Variants in CCDC171 observed in about 807,000 individuals in gnomAD.
CCDC171 encodes the protein coiled-coil domain-containing protein 171.
CCDC171 carries 177 observed loss-of-function variants against 168.2 expected under a neutral mutation model. That is an observed-to-expected ratio of 1.05 (90% CI 0.93 to 1.19). The LOEUF is 1.19. CCDC171 is among the 50% of genes most tolerant of loss of function. The probability of loss-of-function intolerance (pLI) is 0.00; values close to 1 mark genes in which losing one functional copy is unlikely to be tolerated. For missense variants in CCDC171, 1,991 were observed against 1,539.0 expected (o/e 1.29, Z -4.91); for synonymous variants, 687 against 540.8 (o/e 1.27, Z -3.75).
intron 11 of CCDC171, among the ~76,000 whole-genome samples, chr9:15,704,448 G>T (rs1056312660): frequency 3.3e-5 from 5 of 152,108 alleles, no homozygotes; most frequent in African/African-American, 4.8e-5. Flanking sequence ...GAAGGCAGTG[G>T]CGCTTTACCT....
intron 24 of CCDC171, chr9:15,886,133 G>T (rs1819366282): frequency 6.6e-6 from 1 of 152,072 alleles, no homozygotes; most frequent in Non-Finnish European, 1.5e-5. Context: ...ACTCAAAATG[G>T]AGTACACAAT....
At position 15,642,594 on chromosome 9, in the gene CCDC171, T is replaced by C. The variant is rs377626948; in HGVS notation, c.823-14533T>C. Reference sequence around the variant, plus strand: ...TGGACTAGAAGATTTAAAAAAATTATTAAGAAGGCTTAAATTTCATTATGT... The same window carrying C: ...TGGACTAGAAGATTTAAAAAAATTACTAAGAAGGCTTAAATTTCATTATGT... On this transcript the variant is annotated intron_variant, in intron 7 of 25. Coordinates refer to ENST00000380701, the MANE Select transcript of CCDC171 (RefSeq NM_173550.4). Among the ~76,000 whole-genome samples the C allele has an allele frequency of 5.3e-5, 8 of 151,986 alleles. No homozygotes were observed. In the East Asian group the frequency reaches 1.5e-3, roughly 29 times the overall value.
chr9:15,613,406 C>G (rs995154925), intron 6 of CCDC171, among the ~76,000 whole-genome samples: 6 of 152,052 alleles, frequency 3.9e-5, no homozygotes, highest in African/African-American at 1.4e-4. Flanking sequence ...AATCACTAAA[C>G]TTCTAAATAA....
At chr9:15,791,923 C>T (rs1360389736) in intron 21 of CCDC171, among the ~76,000 whole-genome samples, 1 of 152,132 alleles carries the variant, frequency 6.6e-6, no homozygotes, top group Non-Finnish European at 1.5e-5. Context: ...GCACCTCTCC[C>T]CCTCCAGAGG....
chr9:15,726,545 T>C (rs2053814251), intron 14 of CCDC171, among the ~76,000 whole-genome samples: 1 of 152,202 alleles, frequency 6.6e-6, no homozygotes, highest in Non-Finnish European at 1.5e-5. Context: ...TGAAAAGGTA[T>C]AGCATATTTG....
chr9:16,011,286 A>C (rs1832861398), intron 3 of CCDC171, among the ~76,000 whole-genome samples: 1 of 152,174 alleles, frequency 6.6e-6, no homozygotes, highest in Non-Finnish European at 1.5e-5. Context: ...TGTTCCTGAG[A>C]GAATCACCTA....
At position 15,641,340 on chromosome 9, in the gene CCDC171, A is replaced by C. The variant is rs187187225; in HGVS notation, c.823-15787A>C. On this transcript the variant is annotated intron_variant, in intron 7 of 25. Coordinates refer to ENST00000380701, the MANE Select transcript of CCDC171 (RefSeq NM_173550.4). ...TTTGGTGGACTAAATTTCATATCTCAGTTTTTCTTCTTGACTAATTGTTTT... is the reference window on the plus strand; with the variant it reads ...TTTGGTGGACTAAATTTCATATCTCCGTTTTTCTTCTTGACTAATTGTTTT... Among the ~76,000 whole-genome samples the C allele has an allele frequency of 1.0e-3, 156 of 152,258 alleles. 1 individual carries two copies. The highest frequency in any genetic ancestry group is 3.6e-3 in the African/African-American group (149 of 41,552).
At chr9:15,679,391 C>T (rs1473206346) in intron 10 of CCDC171, among the ~76,000 whole-genome samples, 1 of 152,098 alleles carries the variant, frequency 6.6e-6, no homozygotes, top group Non-Finnish European at 1.5e-5. Flanking sequence ...ATCTCGATGT[C>T]TCCCTGTTGT....
chr9:15,953,938 C>T (rs567465911), intron 25 of CCDC171, among the ~76,000 whole-genome samples: 3 of 151,902 alleles, frequency 2.0e-5, no homozygotes, highest in Admixed American at 6.6e-5. Context: ...TCTGTTTCAT[C>T]GAGGGCATTC....
At chr9:15,926,732 C>G (rs958765388) in intron 25 of CCDC171, among the ~76,000 whole-genome samples, 1 of 151,622 alleles carries the variant, frequency 6.6e-6, no homozygotes, top group Non-Finnish European at 1.5e-5. Flanking sequence ...GACACAGTGT[C>G]TGGCATATTA....
intron 25 of CCDC171, among the ~76,000 whole-genome samples, chr9:15,962,571 A>G (rs1264840616): frequency 2.6e-5 from 4 of 152,130 alleles, no homozygotes; most frequent in Non-Finnish European, 4.4e-5. Flanking sequence ...TTTACTGGCA[A>G]TCAATGTCTT....
At chr9:15,965,082 T>G (rs1358776032) in intron 25 of CCDC171, among the ~76,000 whole-genome samples, 2 of 152,132 alleles carry the variant, frequency 1.3e-5, no homozygotes, top group Non-Finnish European at 2.9e-5. Context: ...CTAGTGTAAG[T>G]TTAAACCTCA....
chr9:15,691,557 T>TATATATATATATATATATATATAG, intron 10 of CCDC171, among the ~76,000 whole-genome samples: 1 of 144,370 alleles, frequency 6.9e-6, no homozygotes, highest in South Asian at 2.2e-4. Flanking sequence ...TATATATATA[T>TATATATATATATATATATATATAG]ATATATATAT....
At chr9:15,749,951 A>G (rs1178064959) in intron 18 of CCDC171, among the ~76,000 whole-genome samples, 1 of 152,166 alleles carries the variant, frequency 6.6e-6, no homozygotes, top group Non-Finnish European at 1.5e-5. Context: ...AGCTAGCAGA[A>G]GACAAGAAAT....
At chr9:15,913,689 G>T (rs561404375) in intron 24 of CCDC171, among the ~76,000 whole-genome samples, 4 of 152,186 alleles carry the variant, frequency 2.6e-5, no homozygotes, top group Admixed American at 6.5e-5. Flanking sequence ...TTCCTTGCTG[G>T]CGAGGAGTTG....
chr9:15,684,581 G>A (rs1001918340), intron 10 of CCDC171, among the ~76,000 whole-genome samples: 1 of 151,884 alleles, frequency 6.6e-6, no homozygotes, highest in African/African-American at 2.4e-5. Flanking sequence ...TCTATTTGTG[G>A]TACTCATGTT....
At chr9:16,007,949 G>C (rs1832755440) in intron 3 of CCDC171, among the ~76,000 whole-genome samples, 1 of 152,104 alleles carries the variant, frequency 6.6e-6, no homozygotes, top group Non-Finnish European at 1.5e-5. Flanking sequence ...GTGTTATTGA[G>C]CTGTAAGAAT....
chr9:15,574,860 A>T (rs918626389), intron 3 of CCDC171, among the ~76,000 whole-genome samples: 2 of 152,218 alleles, frequency 1.3e-5, no homozygotes, highest in African/African-American at 4.8e-5. Context: ...TTTGATAGGT[A>T]TTCAAATAAT....
At chr9:16,079,565 C>A in the CCDC171 span, among the ~76,000 whole-genome samples, 1 of 152,206 alleles carries the variant, frequency 6.6e-6, no homozygotes, top group Non-Finnish European at 1.5e-5. Flanking sequence ...ACAAAGAACA[C>A]CAAAGATTGT....
Sources: allele counts gnomAD v4.1 joint callset (sites outside exome capture counted in the v4.1 genomes callset), GRCh38; gene constraint gnomAD v4.1.1; transcripts MANE v1.5; gene names NCBI Gene and HGNC (gene_info 2026-07-23, HGNC 2026-07-21).